ZC3H8: variants seen among roughly 807,000 people sequenced by gnomAD.
The protein encoded by ZC3H8 is zinc finger CCCH domain-containing protein 8.
A neutral mutation model predicts 42.5 loss-of-function variants in ZC3H8; 27 were observed. That is an observed-to-expected ratio of 0.64 (90% CI 0.47 to 0.88). The LOEUF (loss-of-function observed/expected upper bound fraction) is 0.88, where lower values mean the gene tolerates loss of function less well. Ranked by LOEUF, ZC3H8 falls within the 40% of genes least tolerant of loss-of-function variation. The pLI, the probability that ZC3H8 is intolerant of heterozygous loss-of-function variation, is 0.00. For missense variants in ZC3H8, 277 were observed against 336.1 expected (o/e 0.82, Z 1.37); for synonymous variants, 101 against 110.1 (o/e 0.92, Z 0.52).
chr2:112,232,059 C>T, intron 6 of ZC3H8, 112 bp from the exon 7 acceptor site: 1 of 544,760 alleles, frequency 1.8e-6, no homozygotes, highest in Non-Finnish European at 3.0e-6. Context: ...CGAGGTGGCT[C>T]ATGCCTGTAG....
At chr2:112,238,601 A>G in intron 2 of ZC3H8, 73 bp from the exon 3 acceptor site, 1 of 1,279,622 alleles carries the variant, frequency 7.8e-7, no homozygotes, top group East Asian at 2.3e-5. Context: ...CAGAAGAAAC[A>G]AGATTGGCTA....
In ZC3H8 at chr2:112,255,041, G is replaced by A. The variant is rs924730075; in HGVS notation, c.-60C>T. On this transcript the variant is annotated 5_prime_UTR_variant, in exon 1 of 9. Transcript: ENST00000409573. ...AGCTACAGAGTAACAACCCGAGAGA[G>A]TGACAACCCGGACGCGACGAGACGG... The A allele has an allele frequency of 1.2e-5, 19 of 1,525,018 alleles. No individual in the cohort carries two copies. In the African/African-American group the frequency reaches 1.9e-4, roughly 16 times the overall value. The allele number at this position is 1,525,018 out of a possible 1,614,324, so 94.5% of individuals were successfully genotyped here.
At chr2:112,252,516 G>C (rs1048976999) in intron 1 of ZC3H8, among the ~76,000 whole-genome samples, 6 of 152,150 alleles carry the variant, frequency 3.9e-5, no homozygotes, top group Admixed American at 3.3e-4. Context: ...ATGTCACTCT[G>C]CTGAAAAACC....
intron 3 of ZC3H8, among the ~76,000 whole-genome samples, chr2:112,237,301 C>G (rs1685377743): frequency 6.6e-6 from 1 of 152,114 alleles, no homozygotes; most frequent in Non-Finnish European, 1.5e-5. Flanking sequence ...AAGGCAGATC[C>G]TTTTGAAGTG....
intron 2 of ZC3H8, among the ~76,000 whole-genome samples, chr2:112,243,728 T>C (rs1344666033): frequency 6.6e-6 from 1 of 152,168 alleles, no homozygotes; most frequent in Non-Finnish European, 1.5e-5. Context: ...ATTTTGCTTC[T>C]TGCCTTAAAA....
At chr2:112,243,788 C>T (rs930312162) in intron 2 of ZC3H8, among the ~76,000 whole-genome samples, 9 of 152,010 alleles carry the variant, frequency 5.9e-5, no homozygotes, top group African/African-American at 2.2e-4. Context: ...TTACTGATCC[C>T]TGATCTCCAG....
At chr2:112,241,614 T>C (rs1322165221) in intron 2 of ZC3H8, among the ~76,000 whole-genome samples, 3 of 152,198 alleles carry the variant, frequency 2.0e-5, no homozygotes, top group Non-Finnish European at 2.9e-5. Context: ...GTTTTGAACA[T>C]AGGAAACAAA....
At chr2:112,232,268 A>T (rs919350701) in intron 6 of ZC3H8, among the ~76,000 whole-genome samples, 1 of 141,544 alleles carries the variant, frequency 7.1e-6, no homozygotes, top group Non-Finnish European at 1.5e-5. Context: ...GCGAACCAAG[A>T]TTGTCCACTG....
chr2:112,255,021 C>T lies in ZC3H8; in HGVS notation c.-40G>A. ...CTCCCTTTCGCGAGCCGGGAAGCTA[C>T]AGAGTAACAACCCGAGAGAGTGACA... On this transcript the variant is annotated 5_prime_UTR_variant, in exon 1 of 9. Coordinates refer to ENST00000409573, the MANE Select transcript of ZC3H8 (RefSeq NM_032494.3). 1 of 1,569,288 alleles carries T rather than the reference C, an allele frequency of 6.4e-7. No homozygotes were observed. Among genetic ancestry groups the T allele is most frequent in the Non-Finnish European group, 8.6e-7 (1 of 1,158,112 alleles).
At chr2:112,247,154 C>G (rs1488822184) in intron 2 of ZC3H8, among the ~76,000 whole-genome samples, 1 of 152,184 alleles carries the variant, frequency 6.6e-6, no homozygotes, top group Admixed American at 6.5e-5. Context: ...CACTGGGAAA[C>G]CAAAACATTC....
At chr2:112,227,002 C>A (rs1309398288) in intron 8 of ZC3H8, among the ~76,000 whole-genome samples, 1 of 152,132 alleles carries the variant, frequency 6.6e-6, no homozygotes, top group African/African-American at 2.4e-5. Flanking sequence ...CAAGATTCAT[C>A]CATGATAAAA....
chr2:112,219,994 T>G (rs1684515535), intron 8 of ZC3H8, among the ~76,000 whole-genome samples: 1 of 152,234 alleles, frequency 6.6e-6, no homozygotes, highest in Non-Finnish European at 1.5e-5. Context: ...TGTTTTCCAT[T>G]TGCTTAGTAG....
chr2:112,250,092 ATCCATT>A (rs1436114742), intron 2 of ZC3H8, 93 bp downstream of exon 2: 5 of 838,714 alleles, frequency 6.0e-6, no homozygotes, highest in Non-Finnish European at 7.2e-6. Flanking sequence ...AATTTCTCAT[ATCCATT>A]TCCATCTGTT....
At chr2:112,248,757 C>T (rs191575346) in intron 2 of ZC3H8, among the ~76,000 whole-genome samples, 42 of 152,186 alleles carry the variant, frequency 2.8e-4, no homozygotes, top group Admixed American at 2.7e-3. Flanking sequence ...TTGAACTGCA[C>T]CCTCCCAAAA....
intron 2 of ZC3H8, 72 bp downstream of exon 2, chr2:112,250,119 T>C: frequency 8.7e-7 from 1 of 1,143,134 alleles, no homozygotes; most frequent in South Asian, 1.6e-5. Context: ...TTTTCTTTTT[T>C]TGTTGTTCCA....
chr2:112,231,948 G>A lies in ZC3H8; in HGVS notation c.734-1C>T. On this transcript the variant is annotated splice_acceptor_variant, in intron 6 of 8. Transcript: ENST00000409573. LOFTEE classifies it high-confidence loss of function. ...TGGTAAAACTTACAAGGATATTCAT[G>A]TAACCCAAGTGTTAAGGAAGAGAAC... 1 of 1,489,292 alleles carries A rather than the reference G, an allele frequency of 6.7e-7. No individual in the cohort carries two copies. The highest frequency in any genetic ancestry group is 9.2e-7 in the Non-Finnish European group (1 of 1,083,172). 92.3% of individuals were successfully genotyped at this position (1,489,292 alleles called of 1,614,324 possible). A position where few individuals can be genotyped will look rare whatever the true frequency, so the allele number is the denominator to read the frequency against.
intron 1 of ZC3H8, among the ~76,000 whole-genome samples, chr2:112,251,731 G>A (rs1685956219): frequency 6.6e-6 from 1 of 152,224 alleles, no homozygotes; most frequent in Admixed American, 6.5e-5. Flanking sequence ...TGAGATCTGA[G>A]CCCCAGCAGG....
intron 8 of ZC3H8, among the ~76,000 whole-genome samples, chr2:112,226,838 A>C (rs1684863710): frequency 6.6e-6 from 1 of 152,168 alleles, no homozygotes; most frequent in Admixed American, 6.5e-5. Flanking sequence ...TAGCCAATGA[A>C]ATCCAATAAT....
intron 8 of ZC3H8, among the ~76,000 whole-genome samples, chr2:112,228,395 G>A (rs1474143617): frequency 2.0e-5 from 3 of 151,896 alleles, no homozygotes; most frequent in Non-Finnish European, 2.9e-5. Context: ...CCAGCTACTC[G>A]GGATGCTGAG....
Sources: gnomAD v4.1 joint callset for allele counts (sites outside exome capture counted in the v4.1 genomes callset) on GRCh38, gnomAD v4.1.1 for gene constraint, MANE v1.5 for transcripts, NCBI Gene and HGNC (gene_info 2026-07-23, HGNC 2026-07-21) for gene names.